CTNNBL1: variants seen among roughly 807,000 people sequenced by gnomAD.
CTNNBL1 encodes catenin beta like 1, also known as beta-catenin-like protein 1.
In CTNNBL1, 31 loss-of-function variants were observed where a neutral mutation model predicts 72.7. The ratio of observed to expected loss-of-function variants is 0.43; its 90% CI spans 0.32 to 0.58. The LOEUF is 0.58. Ranked by LOEUF, CTNNBL1 falls within the 20% of genes least tolerant of loss-of-function variation. CTNNBL1 has a pLI of 0.08. For missense variants in CTNNBL1, 534 were observed against 725.1 expected (o/e 0.74, Z 3.03); for synonymous variants, 240 against 267.3 (o/e 0.90, Z 1.00).
intron 1 of CTNNBL1, among the ~76,000 whole-genome samples, chr20:37,709,721 C>T (rs2072921160): frequency 6.6e-6 from 1 of 152,030 alleles, no homozygotes; most frequent in Admixed American, 6.6e-5. Context: ...TGAAACTCGG[C>T]AATAAAGGAG....
chr20:37,743,617 G>C (rs1265358401), intron 3 of CTNNBL1, among the ~76,000 whole-genome samples: 1 of 152,176 alleles, frequency 6.6e-6, no homozygotes, highest in East Asian at 1.9e-4. Context: ...GTGTGGTCCT[G>C]ACTCAGGAAT....
chr20:37,842,523 AT>A (rs2072313464), intron 13 of CTNNBL1, 104 bp downstream of exon 13: 1 of 772,434 alleles, frequency 1.3e-6, no homozygotes, highest in East Asian at 2.5e-5. Context: ...CAGCAGTGCC[AT>A]CTAACATGTT....
intron 13 of CTNNBL1, among the ~76,000 whole-genome samples, chr20:37,855,121 A>G (rs868620200): frequency 1.3e-4 from 19 of 151,044 alleles, no homozygotes; most frequent in African/African-American, 4.4e-4. Context: ...AAAAAAAAAA[A>G]AAGCCTCCCC....
chr20:37,812,681 G>C (rs6021080), intron 11 of CTNNBL1, among the ~76,000 whole-genome samples: 2 of 152,190 alleles, frequency 1.3e-5, no homozygotes, highest in African/African-American at 4.8e-5. Context: ...CTTTGTGTCA[G>C]GCTTGGTGCT....
chr20:37,741,765 A>G (rs1033755066), intron 3 of CTNNBL1, among the ~76,000 whole-genome samples: 8 of 152,248 alleles, frequency 5.3e-5, no homozygotes, highest in Non-Finnish European at 1.0e-4. Flanking sequence ...TCCCAAGTCC[A>G]GCATTTCTCA....
chr20:37,868,046 TA>T (rs527804408), intron 15 of CTNNBL1, among the ~76,000 whole-genome samples: 247 of 152,272 alleles, frequency 1.6e-3, no homozygotes, highest in African/African-American at 5.8e-3. Flanking sequence ...AGGGCTGCAA[TA>T]AATTTCTGAG....
At chr20:37,784,083 C>T (rs1181090274) in intron 10 of CTNNBL1, among the ~76,000 whole-genome samples, 1 of 152,076 alleles carries the variant, frequency 6.6e-6, no homozygotes, top group South Asian at 2.1e-4. Context: ...TGAATGGGTC[C>T]CTTTACCGTT....
intron 11 of CTNNBL1, among the ~76,000 whole-genome samples, chr20:37,824,270 A>G (rs890021349): frequency 2.0e-5 from 3 of 152,250 alleles, no homozygotes; most frequent in Admixed American, 1.3e-4. Context: ...GCTTCCAGCA[A>G]GGTTCTTCGG....
intron 2 of CTNNBL1, 66 bp downstream of exon 2, chr20:37,733,133 T>C: frequency 7.1e-7 from 1 of 1,408,666 alleles, no homozygotes; most frequent in Non-Finnish European, 9.9e-7. Context: ...TTGGGCCAAA[T>C]ACTAAGCTTG....
intron 13 of CTNNBL1, among the ~76,000 whole-genome samples, chr20:37,847,670 G>C (rs1010558514): frequency 4.6e-5 from 7 of 152,110 alleles, no homozygotes; most frequent in Non-Finnish European, 1.0e-4. Flanking sequence ...GATTATATAG[G>C]TACTAGCAGG....
chr20:37,829,863 G>T (rs1417247192), intron 11 of CTNNBL1, among the ~76,000 whole-genome samples: 1 of 152,042 alleles, frequency 6.6e-6, no homozygotes, highest in East Asian at 1.9e-4. Context: ...ACAGGGTCTT[G>T]CCCTGTCACC....
At chr20:37,737,517 T>G (rs766432967) in intron 3 of CTNNBL1, 33 bp downstream of exon 3, 1 of 1,436,372 alleles carries the variant, frequency 7.0e-7, no homozygotes, top group South Asian at 1.2e-5. Context: ...CCATGTCTCC[T>G]CTGTGGCGTT....
intron 13 of CTNNBL1, among the ~76,000 whole-genome samples, chr20:37,845,450 A>G (rs1377876069): frequency 1.3e-5 from 2 of 152,232 alleles, no homozygotes; most frequent in South Asian, 2.1e-4. Flanking sequence ...CCTGACAAAC[A>G]TCTGTCTCCT....
At chr20:37,710,566 C>G (rs551819103) in intron 1 of CTNNBL1, among the ~76,000 whole-genome samples, 2 of 150,900 alleles carry the variant, frequency 1.3e-5, no homozygotes, top group African/African-American at 2.4e-5. Context: ...ATCTCTTTGC[C>G]CCCCCCACTG....
chr20:37,834,113 C>T (rs972528847), intron 11 of CTNNBL1, among the ~76,000 whole-genome samples: 1 of 151,992 alleles, frequency 6.6e-6, no homozygotes, highest in Non-Finnish European at 1.5e-5. Flanking sequence ...TGTGGTGAGC[C>T]GTGGAAATGC....
chr20:37,738,374 G>C (rs1243432290), intron 3 of CTNNBL1, among the ~76,000 whole-genome samples: 1 of 152,234 alleles, frequency 6.6e-6, no homozygotes, highest in Admixed American at 6.5e-5. Context: ...CCCATGAGAT[G>C]ATAGTTAACG....
intron 10 of CTNNBL1, among the ~76,000 whole-genome samples, chr20:37,784,651 T>A (rs894108913): frequency 6.6e-6 from 1 of 152,242 alleles, no homozygotes; most frequent in African/African-American, 2.4e-5. Flanking sequence ...CCTTCCACTT[T>A]TTAACTTTTT....
At chr20:37,812,245 A>G (rs1214529908) in intron 11 of CTNNBL1, among the ~76,000 whole-genome samples, 1 of 152,248 alleles carries the variant, frequency 6.6e-6, no homozygotes, top group Non-Finnish European at 1.5e-5. Flanking sequence ...AGCAGGTAGC[A>G]TTCAATATGG....
At chr20:37,790,629 C>A (rs1447350173) in intron 10 of CTNNBL1, among the ~76,000 whole-genome samples, 1 of 152,170 alleles carries the variant, frequency 6.6e-6, no homozygotes, top group Non-Finnish European at 1.5e-5. Flanking sequence ...CAACAGTCCT[C>A]CAGGCTGGCG....
Sources: allele counts gnomAD v4.1 joint callset (sites outside exome capture counted in the v4.1 genomes callset), GRCh38; gene constraint gnomAD v4.1.1; transcripts MANE v1.5; gene names NCBI Gene and HGNC (gene_info 2026-07-23, HGNC 2026-07-21).